The following PLXNA1 variants were observed in gnomAD, a reference collection of about 807,000 sequenced individuals.
The protein encoded by PLXNA1 is plexin-A1.
In PLXNA1, 77 loss-of-function variants were observed where a neutral mutation model predicts 191.7. That is an observed-to-expected ratio of 0.40 (90% CI 0.33 to 0.49). The LOEUF is 0.49. Ranked by LOEUF, PLXNA1 falls within the 20% of genes least tolerant of loss-of-function variation. The probability of loss-of-function intolerance (pLI) is 0.63; values close to 1 mark genes in which losing one functional copy is unlikely to be tolerated. For synonymous variants in PLXNA1, 1,137 were observed against 1,156.4 expected (o/e 0.98, Z 0.34); for missense variants, 2,110 against 2,660.2 (o/e 0.79, Z 4.55).
At chr3:127,019,706 G>T (rs1424778094) in intron 20 of PLXNA1, among the ~76,000 whole-genome samples, 3 of 152,232 alleles carry the variant, frequency 2.0e-5, no homozygotes, top group African/African-American at 7.2e-5. Context: ...GGAATGTTCT[G>T]TCAGGGCCTG....
chr3:127,002,308 C>T (rs929028161), intron 3 of PLXNA1, among the ~76,000 whole-genome samples: 5 of 152,200 alleles, frequency 3.3e-5, no homozygotes, highest in East Asian at 1.9e-4. Context: ...GGGTGGCCGG[C>T]GGCGCTCAGG....
chr3:127,007,648 G>T, intron 8 of PLXNA1, 151 bp from the exon 9 acceptor site: 1 of 536,646 alleles, frequency 1.9e-6, no homozygotes, highest in East Asian at 3.2e-5. Context: ...TCAGGTTTGG[G>T]GGAAGAACTT....
rs764023589 is a variant in PLXNA1, at chr3:127,032,578, A to G, written c.5423A>G (p.Asn1808Ser). ...CTGCTCTACGCCAAGGACATCCCCA[A>G]CTACAAGAGCTGGGTGGAGAGGTAG... ...NKLLYAKDIP[N>S]YKSWVERYYA... is the part of the protein sequence containing the mutation. Residue 1808 changes from asparagine (N) to serine (S), a missense_variant, in exon 30 of 32, where the codon AAC becomes AGC. Physicochemically the swap from Asn to Ser is conservative, Grantham distance 46 (BLOSUM62 1). This residue lies in a region of PLXNA1 where 559 missense variants were observed against 911.5 expected (regional missense o/e 0.61). Transcript: ENST00000393409. The G allele has an allele frequency of 6.2e-7, 1 of 1,613,234 alleles. No homozygotes were observed. The highest frequency in any genetic ancestry group is 1.3e-5 in the African/African-American group (1 of 74,872).
intron 4 of PLXNA1, among the ~76,000 whole-genome samples, chr3:127,004,143 T>G (rs1270698462): frequency 6.6e-6 from 1 of 152,218 alleles, no homozygotes; most frequent in African/African-American, 2.4e-5. Context: ...GGTTCTGCCT[T>G]CCTGGGGACC....
intron 25 of PLXNA1, chr3:127,028,674 C>T (rs1008356756): frequency 2.1e-5 from 11 of 514,868 alleles, no homozygotes; most frequent in East Asian, 3.3e-5. Context: ...GGGTGGGGCC[C>T]GGAGTCCTGC....
chr3:127,031,728 T>G (rs1053029409), intron 29 of PLXNA1: 3 of 152,638 alleles, frequency 2.0e-5, no homozygotes, highest in African/African-American at 7.2e-5. Flanking sequence ...CCATGCTGAT[T>G]GGGCACAGCG....
chr3:127,031,229 G>T, intron 29 of PLXNA1, among the ~76,000 whole-genome samples: 1 of 152,302 alleles, frequency 6.6e-6, no homozygotes, highest in East Asian at 1.9e-4. Flanking sequence ...CCCCTGCTCC[G>T]GTTGGCACAC....
chr3:127,004,572 G>A, intron 4 of PLXNA1, 39 bp from the exon 5 acceptor site: 1 of 1,432,144 alleles, frequency 7.0e-7, no homozygotes, highest in South Asian at 1.2e-5. Context: ...AGGACCCCTG[G>A]GGTGGTACTG....
chr3:127,029,244 G>A (rs1050029651), intron 26 of PLXNA1, 148 bp downstream of exon 26: 21 of 802,632 alleles, frequency 2.6e-5, no homozygotes, highest in Non-Finnish European at 3.7e-5. Flanking sequence ...TGTGTGGACC[G>A]TCCCAGGACT....
chr3:127,018,924 CA>C (rs1452707268), intron 20 of PLXNA1, among the ~76,000 whole-genome samples: 1 of 152,186 alleles, frequency 6.6e-6, no homozygotes, highest in Non-Finnish European at 1.5e-5. Flanking sequence ...GCCAGCGGAG[CA>C]GCAGAGAGGG....
chr3:126,988,646 TG>T lies in PLXNA1; in HGVS notation c.54del (p.Leu19CysfsTer36). The T allele has an allele frequency of 6.3e-7, 1 of 1,578,450 alleles. No individual in the cohort carries two copies. Among genetic ancestry groups the T allele is most frequent in the Non-Finnish European group, 8.6e-7 (1 of 1,162,130 alleles). ...GTGCTCCTGCTGCTGCTGCTGTTGCTGCTGCTGCTGCCGGGCATGTGGGCTG... is the reference window on the plus strand; with the variant it reads ...GTGCTCCTGCTGCTGCTGCTGTTGCTCTGCTGCTGCCGGGCATGTGGGCTG... ...LQVLLLLLLL[L>X]LLLPGMWAEA... is the part of the protein sequence containing the mutation. On this transcript the variant is annotated frameshift_variant, in exon 2 of 32. Coordinates refer to ENST00000393409, the MANE Select transcript of PLXNA1 (RefSeq NM_032242.4). LOFTEE classifies it high-confidence loss of function.
At position 127,030,301 on chromosome 3, in the gene PLXNA1, G is replaced by A. The variant is rs576660112; in HGVS notation, c.5120G>A (p.Arg1707Gln). Reference sequence around the variant, plus strand: ...GAGACCATCTTCAGCACGGCACACCGGGGCTCAGCCCTGCCGCTGGCCATC... The same window carrying A: ...GAGACCATCTTCAGCACGGCACACCAGGGCTCAGCCCTGCCGCTGGCCATC... The part of the protein sequence containing the change: ...LFETIFSTAH[R>Q]GSALPLAIKY... Residue 1707 changes from arginine (R) to glutamine (Q), a missense_variant, in exon 29 of 32, where the codon CGG becomes CAG. Transcript: ENST00000393409. 6.8e-6 allele frequency: 11 copies of A among 1,613,934 alleles called. No individual in the cohort carries two copies. The highest frequency in any genetic ancestry group is 2.7e-5 in the African/African-American group (2 of 75,074).
At chr3:127,005,859 A>G (rs936792438) in intron 7 of PLXNA1, among the ~76,000 whole-genome samples, 15 of 152,088 alleles carry the variant, frequency 9.9e-5, no homozygotes, top group South Asian at 2.1e-4. Context: ...GGGCCTGGGG[A>G]GAGTCTCGCG....
At chr3:127,026,681 G>C (rs544180585) in intron 23 of PLXNA1, 4 of 152,364 alleles carry the variant, frequency 2.6e-5, no homozygotes, top group Non-Finnish European at 5.9e-5. Context: ...TCTAATTACC[G>C]CAGATGCTAA....
chr3:127,027,674 C>G, intron 23 of PLXNA1: 1 of 618,686 alleles, frequency 1.6e-6, no homozygotes, highest in Non-Finnish European at 3.0e-6. Context: ...CCATGTTCCT[C>G]GATACACTAC....
At chr3:126,994,566 G>T (rs1576671050) in intron 3 of PLXNA1, among the ~76,000 whole-genome samples, 1 of 152,128 alleles carries the variant, frequency 6.6e-6, no homozygotes, top group African/African-American at 2.4e-5. Flanking sequence ...GCTTGCCTTG[G>T]CTCTGTTATG....
At chr3:127,019,261 T>C (rs976738289) in intron 20 of PLXNA1, among the ~76,000 whole-genome samples, 1 of 151,220 alleles carries the variant, frequency 6.6e-6, no homozygotes, top group Admixed American at 6.6e-5. Context: ...GGATGGGGTG[T>C]TTTGTTTGCA....
chr3:126,984,194 C>G (rs1205534057), intron 1 of PLXNA1, among the ~76,000 whole-genome samples: 1 of 152,126 alleles, frequency 6.6e-6, no homozygotes, highest in Non-Finnish European at 1.5e-5. Flanking sequence ...CAGGTGCAGC[C>G]CTGGAAAGGA....
intron 15 of PLXNA1, among the ~76,000 whole-genome samples, chr3:127,015,803 G>A (rs575087161): frequency 6.2e-4 from 94 of 152,100 alleles, no homozygotes; most frequent in African/African-American, 2.0e-3. Flanking sequence ...CCTGGCAGTG[G>A]TGGAAGAACT....
Sources: allele counts gnomAD v4.1 joint callset (sites outside exome capture counted in the v4.1 genomes callset), GRCh38; gene constraint gnomAD v4.1.1; regional missense constraint gnomAD v4.1.1; transcripts MANE v1.5; gene names NCBI Gene and HGNC (gene_info 2026-07-23, HGNC 2026-07-21).